Variants in ZFP90 observed in about 807,000 individuals in gnomAD.
ZFP90 encodes ZFP90 zinc finger protein.
In ZFP90, 38 loss-of-function variants were observed where a neutral mutation model predicts 60.8. The ratio of observed to expected loss-of-function variants is 0.62; its 90% CI spans 0.48 to 0.82. ZFP90 has a LOEUF of 0.82. Ranked by LOEUF, ZFP90 falls within the 40% of genes least tolerant of loss-of-function variation. The pLI is 0.00. For missense variants in ZFP90, 711 were observed against 759.1 expected (o/e 0.94, Z 0.74); for synonymous variants, 287 against 264.8 (o/e 1.08, Z -0.82).
At chr16:68,545,940 C>T (rs998014219) in intron 2 of ZFP90, among the ~76,000 whole-genome samples, 1 of 152,120 alleles carries the variant, frequency 6.6e-6, no homozygotes, top group Admixed American at 6.6e-5. Flanking sequence ...TTTGGGAGGC[C>T]GAGACAGGCG....
At chr16:68,558,638 C>A in intron 4 of ZFP90, 70 bp downstream of exon 4, 2 of 1,393,910 alleles carry the variant, frequency 1.4e-6, no homozygotes, top group Non-Finnish European at 2.0e-6. Context: ...GGGGAGATAC[C>A]CTCCAGCAGC....
chr16:68,535,857 G>T (rs932523091), upstream of ZFP90, among the ~76,000 whole-genome samples: 19 of 152,054 alleles, frequency 1.2e-4, no homozygotes, highest in African/African-American at 4.6e-4. Flanking sequence ...ATTTTATCCA[G>T]CATTAAAGTT....
rs548544671 is a variant in ZFP90, at chr16:68,550,345, C to T, written c.34-7653C>T. Among the ~76,000 whole-genome samples, 7 of 152,218 alleles carry T rather than the reference C, an allele frequency of 4.6e-5. No homozygotes were observed. In the East Asian group the frequency reaches 1.2e-3, roughly 25 times the overall value. ...CGCAATCTTGGCTCACTGTAACCTC[C>T]GCCTCCTGGGTTCAAGCCATTCTCC... is the stretch of plus-strand genomic sequence containing the variant. On this transcript the variant is annotated intron_variant, in intron 2 of 4. Coordinates refer to ENST00000563169, the MANE Select transcript of ZFP90 (RefSeq NM_001305203.2).
At chr16:68,534,922 AAAT>A (rs1324019491), upstream of ZFP90, among the ~76,000 whole-genome samples, 1 of 152,084 alleles carries the variant, frequency 6.6e-6, no homozygotes, top group Admixed American at 6.6e-5. Flanking sequence ...AAATAAATAA[AAAT>A]AAAATAAATT....
In ZFP90 at chr16:68,563,660, C is replaced by T; in HGVS notation, c.873C>T (p.Phe291=). The change falls in exon 5 of 5, where the codon TTC becomes TTT. Residue 291 remains phenylalanine (F), a synonymous_variant. Coordinates refer to ENST00000563169, the MANE Select transcript of ZFP90 (RefSeq NM_001305203.2). ...AATGCAATGTATGTGGAAAGGCCTT[C>T]AGGCATAGCTCATCTCTTGGTCAGC... ...PFECNVCGKA[F]RHSSSLGQHE... is the part of the protein sequence containing the mutation. 2 of 1,614,126 alleles carry T rather than the reference C, an allele frequency of 1.2e-6. No individual in the cohort carries two copies. Among genetic ancestry groups the T allele is most frequent in the East Asian group, 2.2e-5 (1 of 44,876 alleles).
At chr16:68,559,648 G>T (rs1298563556) in intron 4 of ZFP90, among the ~76,000 whole-genome samples, 1 of 151,752 alleles carries the variant, frequency 6.6e-6, no homozygotes, top group African/African-American at 2.4e-5. Context: ...GCTCACTGCA[G>T]TCTCTGCCTC....
chr16:68,576,474 C>T (rs914411174), downstream of ZFP90, among the ~76,000 whole-genome samples: 2 of 152,100 alleles, frequency 1.3e-5, no homozygotes, highest in Non-Finnish European at 2.9e-5. Flanking sequence ...AGGCCGGGCA[C>T]GGTGGCTCAC....
chr16:68,572,918 G>A (rs1421653908), intron 2 of ZFP90, among the ~76,000 whole-genome samples: 2 of 152,210 alleles, frequency 1.3e-5, no homozygotes, highest in African/African-American at 4.8e-5. Flanking sequence ...GCAGCAGAGT[G>A]GAGATCTCTA....
intron 2 of ZFP90, among the ~76,000 whole-genome samples, chr16:68,549,700 T>G (rs1182466286): frequency 1.1e-3 from 53 of 48,672 alleles, no homozygotes; most frequent in South Asian, 1.8e-3. Context: ...AAAAAAAAAG[T>G]CTTGAGGGAG....
chr16:68,565,101 C>T lies in ZFP90; in HGVS notation c.*403C>T. On this transcript the variant is annotated 3_prime_UTR_variant, in exon 5 of 5. Coordinates refer to ENST00000563169, the MANE Select transcript of ZFP90 (RefSeq NM_001305203.2). ...GCTTGACAACTGCACTCAACTGCAG[C>T]TCTTACATTAACTTCACCATGGAAA... is the stretch of plus-strand genomic sequence containing the variant. 1.0e-6 allele frequency: 1 copy of T among 994,874 alleles called. No homozygotes were observed. The highest frequency in any genetic ancestry group is 1.2e-6 in the Non-Finnish European group (1 of 836,158). 61.6% of individuals were successfully genotyped at this position (994,874 alleles called of 1,614,324 possible).
At chr16:68,542,254 C>G (rs1177889768) in intron 2 of ZFP90, among the ~76,000 whole-genome samples, 1 of 152,160 alleles carries the variant, frequency 6.6e-6, no homozygotes, top group Admixed American at 6.5e-5. Flanking sequence ...CCAGGACATT[C>G]TGCCGGTGGG....
Position 68,563,320 on chromosome 16 carries a change from C to T in ZFP90, c.533C>T (p.Ala178Val), listed in dbSNP as rs1426279737. 1.9e-6 allele frequency: 3 copies of T among 1,613,952 alleles called. No individual in the cohort carries two copies. Among genetic ancestry groups the T allele is most frequent in the Non-Finnish European group, 2.5e-6 (3 of 1,179,992 alleles). ...TTGGTTACACAACTGAACATTCCTG[C>T]AAGAATAAGGCCTAGTGAATGTGAG... Reference protein sequence around the residue: ...TNLVTQLNIPARIRPSECETL... With the variant: ...TNLVTQLNIPVRIRPSECETL... The change falls in exon 5 of 5, where the codon GCA (alanine) becomes GTA (valine). Residue 178 changes from alanine (A) to valine (V), a missense_variant. By Grantham distance (64) the Ala-to-Val change is moderately conservative. Around this residue, in one of 5 missense-constraint regions of ZFP90, gnomAD observed 241 missense variants for 247.6 expected, o/e 0.97. Transcript: ENST00000563169.
At chr16:68,543,900 T>TCAGTGTG (rs1179095211) in intron 2 of ZFP90, among the ~76,000 whole-genome samples, 1 of 146,070 alleles carries the variant, frequency 6.8e-6, no homozygotes, top group Non-Finnish European at 1.5e-5. Flanking sequence ...TCTTGCTCTA[T>TCAGTGTG]CAGTGTGCAG....
chr16:68,537,669 G>A (rs574926101), upstream of ZFP90, among the ~76,000 whole-genome samples: 20 of 152,184 alleles, frequency 1.3e-4, no homozygotes, highest in East Asian at 3.9e-3. Context: ...GGGTTCAAAC[G>A]ATCTTCCCAC....
chr16:68,571,411 T>C (rs1194161503), downstream of ZFP90, among the ~76,000 whole-genome samples: 1 of 152,212 alleles, frequency 6.6e-6, no homozygotes, highest in Non-Finnish European at 1.5e-5. Flanking sequence ...CCCACAGTGG[T>C]GCATAGGTAT....
chr16:68,558,218 C>A, intron 3 of ZFP90, 94 bp downstream of exon 3: 1 of 1,554,344 alleles, frequency 6.4e-7, no homozygotes, highest in Non-Finnish European at 8.8e-7. Context: ...GTAACTGTGA[C>A]CAGGGTGCTC....
intron 2 of ZFP90, among the ~76,000 whole-genome samples, chr16:68,544,160 T>C (rs1433641713): frequency 1.3e-5 from 2 of 152,216 alleles, no homozygotes; most frequent in Non-Finnish European, 2.9e-5. Context: ...GCTGGCCTCT[T>C]TTTCATAACA....
At position 68,565,961 on chromosome 16, in the gene ZFP90, T is replaced by TAAA. The variant is rs58312180; in HGVS notation, c.*1276_*1278dup. 19 of 585,814 alleles carry TAAA rather than the reference T, an allele frequency of 3.2e-5. No individual in the cohort carries two copies. Among genetic ancestry groups the TAAA allele is most frequent in the South Asian group, 7.6e-5 (1 of 13,120 alleles). 36.3% of individuals were successfully genotyped at this position (585,814 alleles called of 1,614,324 possible). A position where few individuals can be genotyped will look rare whatever the true frequency, so the allele number is the denominator to read the frequency against. On this transcript the variant is annotated 3_prime_UTR_variant, in exon 5 of 5. Coordinates refer to ENST00000563169, the MANE Select transcript of ZFP90 (RefSeq NM_001305203.2). ...ACAACATGGTGAAACCCCATCTCTTTAAAAAAAAAAAAAAATCCAAAAATT... is the reference window on the plus strand; with the variant it reads ...ACAACATGGTGAAACCCCATCTCTTTAAAAAAAAAAAAAAAAAATCCAAAAATT...
downstream of ZFP90, among the ~76,000 whole-genome samples, chr16:68,567,358 A>G (rs1160796657): frequency 2.6e-5 from 4 of 152,238 alleles, no homozygotes; most frequent in Admixed American, 6.5e-5. Flanking sequence ...GTCTTTGCCC[A>G]GCATTTTCCC....
Sources: allele counts gnomAD v4.1 joint callset (sites outside exome capture counted in the v4.1 genomes callset), GRCh38; gene constraint gnomAD v4.1.1; regional missense constraint gnomAD v4.1.1; transcripts MANE v1.5; gene names NCBI Gene and HGNC (gene_info 2026-07-23, HGNC 2026-07-21).